The following LUZP1 variants were observed in gnomAD, a reference collection of about 807,000 sequenced individuals.
LUZP1 encodes filamin mechanobinding actin cross-linking protein.
LUZP1 carries 25 observed loss-of-function variants against 71.3 expected under a neutral mutation model. That is an observed-to-expected ratio of 0.35 (90% CI 0.26 to 0.49). LUZP1 has a LOEUF of 0.49. Among genes scored for constraint, LUZP1 ranks in the 20% least tolerant of loss-of-function variants. LUZP1 has a pLI of 0.99. For missense variants in LUZP1, 1,142 were observed against 1,300.8 expected (o/e 0.88, Z 1.88); for synonymous variants, 481 against 506.4 (o/e 0.95, Z 0.67).
At chr1:23,117,340 GATT>G (rs957679784) in intron 2 of LUZP1, among the ~76,000 whole-genome samples, 20 of 151,926 alleles carry the variant, frequency 1.3e-4, no homozygotes, top group Non-Finnish European at 2.2e-4. Context: ...CTGTTGTAAG[GATT>G]ATATAAAAAT....
At chr1:23,153,867 G>A (rs1644401635) in intron 2 of LUZP1, among the ~76,000 whole-genome samples, 1 of 151,848 alleles carries the variant, frequency 6.6e-6, no homozygotes, top group Admixed American at 6.6e-5. Flanking sequence ...AGCCTGGGAG[G>A]TTGAGGCTGC....
intron 2 of LUZP1, among the ~76,000 whole-genome samples, chr1:23,151,408 G>A (rs1644382875): frequency 6.6e-6 from 1 of 152,092 alleles, no homozygotes; most frequent in East Asian, 1.9e-4. Context: ...GATAACACCA[G>A]TTAATATTTA....
At chr1:23,147,881 T>C (rs1644355468) in intron 2 of LUZP1, among the ~76,000 whole-genome samples, 1 of 152,240 alleles carries the variant, frequency 6.6e-6, no homozygotes, top group South Asian at 2.1e-4. Flanking sequence ...TTATAATCCA[T>C]GTAACTAATA....
intron 4 of LUZP1, chr1:23,090,569 C>G: frequency 2.4e-6 from 1 of 413,224 alleles, no homozygotes; most frequent in Admixed American, 3.6e-5. Context: ...CTGTAATGAG[C>G]TATACTGAAC....
intron 2 of LUZP1, among the ~76,000 whole-genome samples, chr1:23,147,440 T>A (rs1181747639): frequency 3.1e-5 from 4 of 127,088 alleles, no homozygotes; most frequent in Admixed American, 8.0e-5. Flanking sequence ...AGACTCTATC[T>A]CAAAAAAAAA....
At chr1:23,155,046 GA>G (rs1644411631) in intron 2 of LUZP1, among the ~76,000 whole-genome samples, 1 of 151,914 alleles carries the variant, frequency 6.6e-6, no homozygotes. Context: ...GCATATGTTG[GA>G]AAATGTCTAA....
chr1:23,176,357 G>A (rs2806556), intron 1 of LUZP1, among the ~76,000 whole-genome samples: 56,957 of 152,020 alleles, frequency 0.37, 11,066 homozygotes, highest in African/African-American at 0.47. Flanking sequence ...ACCCACCATA[G>A]CCCAGCCCCC....
chr1:23,166,048 CAAAAAAA>C (rs76454136), intron 2 of LUZP1, among the ~76,000 whole-genome samples: 6 of 98,534 alleles, frequency 6.1e-5, no homozygotes, highest in Non-Finnish European at 1.4e-4. Context: ...GTCTTTTTAC[CAAAAAAA>C]AAAAAAAAAA....
chr1:23,106,563 C>G (rs767523879), intron 3 of LUZP1, among the ~76,000 whole-genome samples: 1 of 151,788 alleles, frequency 6.6e-6, no homozygotes, highest in Non-Finnish European at 1.5e-5. Flanking sequence ...TGAGATCACA[C>G]CACTATACTC....
intron 2 of LUZP1, among the ~76,000 whole-genome samples, chr1:23,163,549 G>C (rs1184775912): frequency 1.6e-5 from 2 of 125,370 alleles, no homozygotes; most frequent in Non-Finnish European, 3.2e-5. Flanking sequence ...GTGAGATCCC[G>C]TCTCTTAAAA....
At chr1:23,098,115 A>C (rs1643903141) in intron 3 of LUZP1, among the ~76,000 whole-genome samples, 1 of 152,236 alleles carries the variant, frequency 6.6e-6, no homozygotes, top group Admixed American at 6.5e-5. Context: ...CAGCTGGCTG[A>C]ACAGACAAAA....
chr1:23,107,022 A>G (rs1163524970), intron 3 of LUZP1, among the ~76,000 whole-genome samples: 1 of 152,104 alleles, frequency 6.6e-6, no homozygotes, highest in African/African-American at 2.4e-5. Flanking sequence ...TACTACTCCA[A>G]TCCAGCCACA....
At chr1:23,109,288 G>A (rs1159082551) in intron 2 of LUZP1, among the ~76,000 whole-genome samples, 161 bp from the exon 2 acceptor site, 1 of 152,182 alleles carries the variant, frequency 6.6e-6, no homozygotes, top group Admixed American at 6.5e-5. Flanking sequence ...AAAGGAACCT[G>A]GCTAAGCTGG....
In LUZP1 at chr1:23,093,491, C is replaced by T. The variant is rs149786707; in HGVS notation, c.771G>A (p.Arg257=). ...GCTTTAGGTAGTCCAGACCACCCTTCCTTCTTGATTCTTTGGACGGCAGTG... is the reference window on the plus strand; with the variant it reads ...GCTTTAGGTAGTCCAGACCACCCTTTCTTCTTGATTCTTTGGACGGCAGTG... Residue 257 remains arginine (R), a synonymous_variant, in exon 4 of 5, where the codon AGG becomes AGA. Transcript: ENST00000302291. The surrounding 1 kb of genome is among the most constrained non-coding windows in gnomAD (Gnocchi z 4.2). The T allele has an allele frequency of 7.2e-5, 116 of 1,612,376 alleles. No individual in the cohort carries two copies. Among genetic ancestry groups the T allele is most frequent in the Non-Finnish European group, 9.5e-5 (112 of 1,179,722 alleles).
chr1:23,121,546 T>C (rs1028059314), intron 2 of LUZP1, among the ~76,000 whole-genome samples: 8 of 152,024 alleles, frequency 5.3e-5, no homozygotes, highest in African/African-American at 1.9e-4. Flanking sequence ...AGTAAGACCT[T>C]GTCTCTATAA....
intron 2 of LUZP1, among the ~76,000 whole-genome samples, chr1:23,153,346 GA>G (rs932960542): frequency 1.3e-5 from 2 of 151,948 alleles, no homozygotes; most frequent in Non-Finnish European, 2.9e-5. Context: ...AAATACAAAA[GA>G]AAAAAATTTA....
chr1:23,132,804 CTA>C (rs1479342676), intron 2 of LUZP1, among the ~76,000 whole-genome samples: 1 of 152,090 alleles, frequency 6.6e-6, no homozygotes, highest in Non-Finnish European at 1.5e-5. Context: ...ATCAACTTTT[CTA>C]TGTTTTAAAT....
chr1:23,089,178 T>A (rs1275898831), intron 4 of LUZP1, 125 bp from the exon 4 acceptor site: 2 of 829,426 alleles, frequency 2.4e-6, no homozygotes, highest in Non-Finnish European at 3.9e-6. Flanking sequence ...AGACAGGCCA[T>A]AAGTTAACTG....
chr1:23,141,846 A>ATT (rs58129873), intron 2 of LUZP1, among the ~76,000 whole-genome samples: 23,658 of 142,914 alleles, frequency 0.17, 2,009 homozygotes, highest in East Asian at 0.26. Context: ...TGCCCAGCTA[A>ATT]TTTTTTTTTT....
Sources: gnomAD v4.1 joint callset for allele counts (sites outside exome capture counted in the v4.1 genomes callset) on GRCh38, gnomAD v4.1.1 for gene constraint, Gnocchi (gnomAD v3.1) non-coding constraint, MANE v1.5 for transcripts, NCBI Gene and HGNC (gene_info 2026-07-23, HGNC 2026-07-21) for gene names.